GTF3C1: variants seen among roughly 807,000 people sequenced by gnomAD.
GTF3C1 encodes the protein general transcription factor 3C polypeptide 1.
In GTF3C1, 57 loss-of-function variants were observed where a neutral mutation model predicts 226.7. The ratio of observed to expected loss-of-function variants is 0.25; its 90% CI spans 0.20 to 0.31. The LOEUF (loss-of-function observed/expected upper bound fraction) is 0.31, where lower values mean the gene tolerates loss of function less well. Among genes scored for constraint, GTF3C1 ranks in the 10% least tolerant of loss-of-function variants. The pLI is 1.00. For missense variants in GTF3C1, 2,217 were observed against 2,776.1 expected, an observed-to-expected ratio of 0.80 and a Z score of 4.53; for synonymous variants, 1,090 against 1,084.8, an observed-to-expected ratio of 1.00 and a Z score of -0.09.
At chr16:27,515,090 C>A (rs374949237) in intron 6 of GTF3C1, among the ~76,000 whole-genome samples, 11 of 152,250 alleles carry the variant, frequency 7.2e-5, no homozygotes, top group Admixed American at 1.3e-4. Flanking sequence ...AGGCAAGAAA[C>A]GGTACTAGTA....
chr16:27,477,394 T>C (rs983342289), intron 28 of GTF3C1, among the ~76,000 whole-genome samples: 1 of 152,020 alleles, frequency 6.6e-6, no homozygotes, highest in Non-Finnish European at 1.5e-5. Context: ...GCAACCTCCG[T>C]TTCCCAGGAT....
At chr16:27,533,458 A>G (rs1201778758) in intron 4 of GTF3C1, 71 bp from the exon 5 acceptor site, 2 of 786,896 alleles carry the variant, frequency 2.5e-6, no homozygotes, top group Admixed American at 3.7e-5. Flanking sequence ...CCTGTTTCTT[A>G]AAGATGACAA....
chr16:27,509,629 G>A lies in GTF3C1; in HGVS notation c.1127-974C>T, dbSNP rs2141407800. Among the ~76,000 whole-genome samples, 2 of 151,832 alleles carry A rather than the reference G, an allele frequency of 1.3e-5. 1 individual carries two copies. The highest frequency in any genetic ancestry group is 4.2e-4 in the South Asian group (2 of 4,800). On this transcript the variant is annotated intron_variant, in intron 7 of 36. Coordinates refer to ENST00000356183, the MANE Select transcript of GTF3C1 (RefSeq NM_001520.4). The stretch of plus-strand genomic sequence containing the variant: ...AAAAATTAGCCGGGTGTGGTGGCGG[G>A]CGCCTGTAGTCCCAGCTACTCAGGA...
At chr16:27,465,779 G>A in intron 32 of GTF3C1, 6 of 552,372 alleles carry the variant, frequency 1.1e-5, no homozygotes, top group South Asian at 6.5e-5. Context: ...ATTTCTCTTG[G>A]CCACTGTGAT....
chr16:27,489,793 C>A, intron 19 of GTF3C1, 50 bp from the exon 20 acceptor site: 1 of 1,576,514 alleles, frequency 6.3e-7, no homozygotes, highest in South Asian at 1.1e-5. Context: ...TGCTGCAGCT[C>A]TGGTGGCTAC....
chr16:27,538,412 T>G, intron 2 of GTF3C1, 56 bp from the exon 3 acceptor site: 1 of 1,086,454 alleles, frequency 9.2e-7, no homozygotes. Flanking sequence ...TTAGGAAAAC[T>G]GAGATAAGAA....
chr16:27,534,605 G>T (rs1222795270), intron 4 of GTF3C1, among the ~76,000 whole-genome samples: 2 of 152,276 alleles, frequency 1.3e-5, no homozygotes, highest in Non-Finnish European at 1.5e-5. Flanking sequence ...GAGGGGCAAA[G>T]ATGGAAATAC....
At chr16:27,534,394 C>T (rs2088968180) in intron 4 of GTF3C1, among the ~76,000 whole-genome samples, 1 of 152,176 alleles carries the variant, frequency 6.6e-6, no homozygotes, top group African/African-American at 2.4e-5. Flanking sequence ...GACTTACAGT[C>T]CTAGCAGAAG....
Position 27,492,633 on chromosome 16 carries a change from A to G in GTF3C1, c.2957T>C (p.Phe986Ser). The change falls in exon 18 of 37, where the codon TTT becomes TCT. Residue 986 changes from phenylalanine (F) to serine (S), a missense_variant. By Grantham distance (155) the Phe-to-Ser change is radical (BLOSUM62 -2). Transcript: ENST00000356183. The surrounding 1 kb of genome is among the most constrained non-coding windows in gnomAD (Gnocchi z 5.0). ...GLLQFGPTEKFQDKDQVFIFL... is the reference protein window; with the variant it reads ...GLLQFGPTEKSQDKDQVFIFL... The stretch of plus-strand genomic sequence containing the variant: ...GGACATTACCTGATCTTTATCCTGA[A>G]ACTTTTCCGTGGGACCAAACTGTAG... 1 of 1,598,220 alleles carries G rather than the reference A, an allele frequency of 6.3e-7. No homozygotes were observed. The highest frequency in any genetic ancestry group is 8.6e-7 in the Non-Finnish European group (1 of 1,165,544).
rs761700092 is a variant in GTF3C1, at chr16:27,465,252, C to T, written c.5355+8G>A. The T allele has an allele frequency of 2.4e-5, 39 of 1,613,484 alleles. No homozygotes were observed. The highest frequency in any genetic ancestry group is 3.1e-5 in the Non-Finnish European group (36 of 1,179,560). ...GGTGATATCCGGCTAACCTAAAGCA[C>T]AGCTCACCTGGATGCAATCTGCGAA... On this transcript the variant is annotated splice_region_variant and intron_variant, in intron 33 of 36. Transcript: ENST00000356183.
intron 6 of GTF3C1, among the ~76,000 whole-genome samples, chr16:27,517,834 ACACT>A (rs1199760833): frequency 2.6e-5 from 4 of 152,214 alleles, no homozygotes; most frequent in Non-Finnish European, 4.4e-5. Flanking sequence ...AAGAAAACTG[ACACT>A]CAGAGTGGTC....
At position 27,465,336 on chromosome 16, in the gene GTF3C1, T is replaced by C. The variant is rs775811702; in HGVS notation, c.5279A>G (p.Glu1760Gly). 1.5e-4 allele frequency: 249 copies of C among 1,613,982 alleles called. No individual in the cohort carries two copies. The highest frequency in any genetic ancestry group is 2.0e-4 in the Non-Finnish European group (231 of 1,180,016). ...IATGCFGIDK[E>G]ELRRRFSALE... ...GGCCGAGAACCGTCTGCGCAGCTCC[T>C]CCTTGTCAATCCCAAAACAACCCGT... is the stretch of plus-strand genomic sequence containing the variant. The change falls in exon 33 of 37, where the codon GAG (glutamate) becomes GGG (glycine). Residue 1760 changes from glutamate to glycine, a missense_variant. Glu to Gly is a moderately conservative substitution (Grantham distance 98). Transcript: ENST00000356183.
intron 6 of GTF3C1, among the ~76,000 whole-genome samples, chr16:27,517,763 G>A (rs957092054): frequency 8.5e-5 from 13 of 152,246 alleles, no homozygotes; most frequent in Admixed American, 5.2e-4. Context: ...CGGTGTTTTC[G>A]GAAGTGATTT....
chr16:27,510,790 G>T (rs2088561680), intron 7 of GTF3C1, among the ~76,000 whole-genome samples: 1 of 152,188 alleles, frequency 6.6e-6, no homozygotes, highest in Non-Finnish European at 1.5e-5. Flanking sequence ...AGAAGTTAGG[G>T]GACCTGGGGG....
chr16:27,520,406 T>C (rs185570340), intron 6 of GTF3C1, among the ~76,000 whole-genome samples: 17 of 152,208 alleles, frequency 1.1e-4, no homozygotes, highest in Admixed American at 9.8e-4. Context: ...TGAGCCACCA[T>C]GCCCAGCCAG....
At chr16:27,506,151 G>T in intron 9 of GTF3C1, 35 bp from the exon 10 acceptor site, 1 of 1,270,676 alleles carries the variant, frequency 7.9e-7, no homozygotes. Flanking sequence ...CAAATCAAGG[G>T]GGAGGCCAGG....
At chr16:27,516,357 G>A (rs550004229) in intron 6 of GTF3C1, among the ~76,000 whole-genome samples, 2 of 152,340 alleles carry the variant, frequency 1.3e-5, no homozygotes, top group East Asian at 3.9e-4. Flanking sequence ...GACCCAGAGT[G>A]GGTGCTGTGG....
intron 29 of GTF3C1, among the ~76,000 whole-genome samples, chr16:27,473,020 G>C (rs1162382993): frequency 6.6e-6 from 1 of 152,068 alleles, no homozygotes; most frequent in Non-Finnish European, 1.5e-5. Flanking sequence ...GGCTCAAGCG[G>C]TCCTCCTGCT....
At chr16:27,508,688 C>CTCCTT in intron 7 of GTF3C1, 33 bp from the exon 8 acceptor site, 1 of 1,504,672 alleles carries the variant, frequency 6.6e-7, no homozygotes, top group Non-Finnish European at 9.2e-7. Flanking sequence ...ACCCAAACCG[C>CTCCTT]TGCAAAGGAG....
Sources: allele counts gnomAD v4.1 joint callset (sites outside exome capture counted in the v4.1 genomes callset), GRCh38; gene constraint gnomAD v4.1.1; non-coding constraint Gnocchi (gnomAD v3.1); transcripts MANE v1.5; gene names NCBI Gene and HGNC (gene_info 2026-07-23, HGNC 2026-07-21).